The following MOG variants were observed in gnomAD, a reference collection of about 807,000 sequenced individuals.
The protein encoded by MOG is myelin oligodendrocyte glycoprotein.
Under a neutral mutation model 35.9 loss-of-function variants are expected in MOG, and 20 were observed. That is an observed-to-expected ratio of 0.56 (90% CI 0.39 to 0.81). The LOEUF is 0.81. Ranked by LOEUF, MOG falls within the 30% of genes least tolerant of loss-of-function variation. MOG has a pLI of 0.00. For missense variants in MOG, 251 were observed against 301.0 expected (o/e 0.83, Z 1.23); for synonymous variants, 92 against 114.3 (o/e 0.80, Z 1.25).
intron 1 of MOG, among the ~76,000 whole-genome samples, chr6:29,657,700 C>T (rs1016206803): frequency 1.5e-4 from 19 of 127,646 alleles, no homozygotes; most frequent in South Asian, 4.8e-4. Flanking sequence ...TTAGTACAGA[C>T]GGGGTTTCAC....
At chr6:29,667,997 C>T (rs142306864) in intron 5 of MOG, 73 bp downstream of exon 5, 1 of 1,452,570 alleles carries the variant, frequency 6.9e-7, no homozygotes, top group Admixed American at 1.7e-5. Flanking sequence ...CCTGGGGGAA[C>T]AAGGACCCCT....
chr6:29,670,381 A>G lies in MOG; in HGVS notation c.693A>G (p.Leu231=). 6.2e-7 allele frequency: 1 copy of G among 1,614,184 alleles called. No individual in the cohort carries two copies. The highest frequency in any genetic ancestry group is 8.5e-7 in the Non-Finnish European group (1 of 1,180,026). ...CCTTGATCATCTGCTACAACTGGCT[A>G]CATCGAAGACTAGCAGGTGCAGTGG... ...LVALIICYNW[L]HRRLAGQFLE... Residue 231 remains leucine, a synonymous_variant, in exon 6 of 8, where the codon CTA becomes CTG. Coordinates refer to ENST00000376917, the MANE Select transcript of MOG (RefSeq NM_206809.4). This position sits in a 1 kb window ranked among gnomAD's most constrained non-coding sequence, Gnocchi z 4.2.
At position 29,659,371 on chromosome 6, in the gene MOG, T is replaced by G. The variant is rs1305283503; in HGVS notation, c.141T>G (p.Asp47Glu). Residue 47 changes from aspartate to glutamate, a missense_variant, in exon 2 of 8, where the codon GAT becomes GAG. Coordinates refer to ENST00000376917, the MANE Select transcript of MOG (RefSeq NM_206809.4). The stretch of plus-strand genomic sequence containing the variant: ...ACCCTATCCGGGCTCTGGTCGGGGA[T>G]GAAGTGGAATTGCCATGTCGCATAT... The part of the protein sequence containing the change: ...PRHPIRALVG[D>E]EVELPCRISP... The G allele has an allele frequency of 3.1e-6, 5 of 1,612,764 alleles. No homozygotes were observed. In the African/African-American group the frequency reaches 5.3e-5, roughly 17 times the overall value.
rs1270769622 is a variant in MOG at position 29,671,765 on chromosome 6, C to T, written c.*580C>T. Reference sequence around the variant, plus strand: ...TACAGAATACTAGCCAGAGCTCCTCCTTGTCTTGGCAGCCTACTAGGGACC... The same window carrying T: ...TACAGAATACTAGCCAGAGCTCCTCTTTGTCTTGGCAGCCTACTAGGGACC... On this transcript the variant is annotated 3_prime_UTR_variant, in exon 8 of 8. Coordinates refer to ENST00000376917, the MANE Select transcript of MOG (RefSeq NM_206809.4). 4.7e-6 allele frequency: 2 copies of T among 430,026 alleles called. No individual in the cohort carries two copies. The highest frequency in any genetic ancestry group is 8.3e-6 in the Non-Finnish European group (2 of 241,522). The allele number at this position is 430,026 out of a possible 1,614,324, so 26.6% of individuals were successfully genotyped here.
At chr6:29,669,750 G>GT (rs1771049174) in intron 5 of MOG, among the ~76,000 whole-genome samples, 1 of 152,154 alleles carries the variant, frequency 6.6e-6, no homozygotes, top group African/African-American at 2.4e-5. Flanking sequence ...GGTTTGTTTT[G>GT]TTTTTTCCAA....
Position 29,670,149 on chromosome 6 carries a change from T to G in MOG, c.593-132T>G, listed in dbSNP as rs1562208601. On this transcript the variant is annotated intron_variant, in intron 5 of 7. Transcript: ENST00000376917. This position sits in a 1 kb window ranked among gnomAD's most constrained non-coding sequence, Gnocchi z 4.2. ...GCAGTACTTTTCTCATCCAAGTTCA[T>G]GGACTTTCTGAATTTTGTCCCCAGA... 1.4e-6 allele frequency: 2 copies of G among 1,477,218 alleles called. No individual in the cohort carries two copies. The highest frequency in any genetic ancestry group is 1.9e-6 in the Non-Finnish European group (2 of 1,055,146). The allele number at this position is 1,477,218 out of a possible 1,614,324, so 91.5% of individuals were successfully genotyped here.
Position 29,670,401 on chromosome 6 carries a change from C to A in MOG, c.709+4C>A. ...TGGCTACATCGAAGACTAGCAGGTG[C>A]AGTGGCTGGGCAGCAGGCAAGACCA... On this transcript the variant is annotated splice_donor_region_variant and intron_variant, in intron 6 of 7. Coordinates refer to ENST00000376917, the MANE Select transcript of MOG (RefSeq NM_206809.4). This position sits in a 1 kb window ranked among gnomAD's most constrained non-coding sequence, Gnocchi z 4.2. 6.2e-7 allele frequency: 1 copy of A among 1,613,518 alleles called. No individual in the cohort carries two copies. Among genetic ancestry groups the A allele is most frequent in the South Asian group, 1.1e-5 (1 of 91,054 alleles).
At chr6:29,667,143 A>G (rs1333948053) in intron 3 of MOG, among the ~76,000 whole-genome samples, 1 of 152,178 alleles carries the variant, frequency 6.6e-6, no homozygotes, top group Non-Finnish European at 1.5e-5. Context: ...AAATTCTTAG[A>G]TTCTCCAAGC....
Position 29,662,606 on chromosome 6 carries a change from C to T in MOG, c.436+2940C>T, listed in dbSNP as rs1769078814. ...ACCTCACCGGCTCCCCACTCATTAC[C>T]ACCCTCCCCTACTCAATTACTGAGG... On this transcript the variant is annotated intron_variant, in intron 2 of 7. Coordinates refer to ENST00000376917, the MANE Select transcript of MOG (RefSeq NM_206809.4). The surrounding 1 kb of genome is among the most constrained non-coding windows in gnomAD (Gnocchi z 4.2). Among the ~76,000 whole-genome samples, 1 of 152,174 alleles carries T rather than the reference C, an allele frequency of 6.6e-6. No individual in the cohort carries two copies. Among genetic ancestry groups the T allele is most frequent in the Non-Finnish European group, 1.5e-5 (1 of 68,030 alleles).
At chr6:29,657,381 C>T in intron 1 of MOG, 84 bp downstream of exon 1, 1 of 1,003,372 alleles carries the variant, frequency 1.0e-6, no homozygotes, top group South Asian at 1.4e-5. Flanking sequence ...TTCAAACATC[C>T]TCAAGTTGCT....
At chr6:29,663,822 G>T (rs1321854776) in intron 2 of MOG, 4 of 330,230 alleles carry the variant, frequency 1.2e-5, no homozygotes, top group Non-Finnish European at 1.7e-5. Context: ...AAAGGTAGCT[G>T]CATTTTCCCC....
chr6:29,661,776 A>G (rs1768824686), intron 2 of MOG: 1 of 969,912 alleles, frequency 1.0e-6, no homozygotes. Flanking sequence ...AGATCGTGCC[A>G]TTACACTCCA....
chr6:29,658,800 T>C (rs1767768944), intron 1 of MOG, among the ~76,000 whole-genome samples: 1 of 152,154 alleles, frequency 6.6e-6, no homozygotes, highest in Non-Finnish European at 1.5e-5. Flanking sequence ...AGAGTCTTTT[T>C]TGTCGTTGTT....
intron 2 of MOG, chr6:29,664,620 T>C: frequency 2.2e-6 from 1 of 452,560 alleles, no homozygotes; most frequent in South Asian, 1.6e-5. Flanking sequence ...TTTTTTTTTT[T>C]TTGAGACAGT....
chr6:29,665,159 A>C (rs2127520200), intron 2 of MOG, among the ~76,000 whole-genome samples: 1 of 151,672 alleles, frequency 6.6e-6, no homozygotes, highest in South Asian at 2.1e-4. Context: ...TGCAATGGCA[A>C]GATCTCGGCT....
intron 2 of MOG, chr6:29,661,894 C>G (rs1284335670): frequency 1.0e-5 from 10 of 984,050 alleles, no homozygotes; most frequent in African/African-American, 1.8e-5. Context: ...AGAAAGTTCT[C>G]TTTTGGGTTG....
chr6:29,660,448 G>A (rs574572577), intron 2 of MOG, among the ~76,000 whole-genome samples: 4 of 149,252 alleles, frequency 2.7e-5, no homozygotes, highest in African/African-American at 7.4e-5. Context: ...GGAGAATGGC[G>A]TGAACCCGGA....
chr6:29,665,756 A>G (rs910380138), intron 2 of MOG, among the ~76,000 whole-genome samples: 1 of 151,664 alleles, frequency 6.6e-6, no homozygotes. Context: ...ATTTATTTTC[A>G]GTAAACTTTA....
Position 29,662,164 on chromosome 6 carries a change from C to G in MOG, c.436+2498C>G. 1 of 984,894 alleles carries G rather than the reference C, an allele frequency of 1.0e-6. No homozygotes were observed. The highest frequency in any genetic ancestry group is 1.2e-6 in the Non-Finnish European group (1 of 829,664). 61.0% of individuals were successfully genotyped at this position (984,894 alleles called of 1,614,324 possible). ...ATTTTATTACTAGTTGTCTCTAATC[C>G]TTTCTTTAAATTCTTCATTATGAAA... is the stretch of plus-strand genomic sequence containing the variant. On this transcript the variant is annotated intron_variant, in intron 2 of 7. Coordinates refer to ENST00000376917, the MANE Select transcript of MOG (RefSeq NM_206809.4). This position sits in a 1 kb window ranked among gnomAD's most constrained non-coding sequence, Gnocchi z 4.2.
Sources: gnomAD v4.1 joint callset for allele counts (sites outside exome capture counted in the v4.1 genomes callset) on GRCh38, gnomAD v4.1.1 for gene constraint, Gnocchi (gnomAD v3.1) non-coding constraint, MANE v1.5 for transcripts, NCBI Gene and HGNC (gene_info 2026-07-23, HGNC 2026-07-21) for gene names.